Variants in LEMD3 observed in about 807,000 individuals in gnomAD.
LEMD3 encodes the protein LEM domain containing 3.
In LEMD3, 33 loss-of-function variants were observed where a neutral mutation model predicts 95.2. The observed-to-expected ratio is 0.35, with a 90% CI of 0.26 to 0.46. The LOEUF (loss-of-function observed/expected upper bound fraction) is 0.46. LEMD3 is among the 20% of genes least tolerant of loss of function. The pLI is 1.00. For synonymous variants in LEMD3, 525 were observed against 474.6 expected (o/e 1.11, Z -1.38); for missense variants, 1,210 against 1,192.8 (o/e 1.01, Z -0.21).
chr12:65,208,895 A>G (rs987678773), intron 1 of LEMD3, among the ~76,000 whole-genome samples: 3 of 152,150 alleles, frequency 2.0e-5, no homozygotes, highest in Non-Finnish European at 2.9e-5. Flanking sequence ...GCAGAAATCT[A>G]GAAGGATACT....
intron 1 of LEMD3, among the ~76,000 whole-genome samples, chr12:65,209,442 T>C (rs1431598329): frequency 6.6e-6 from 1 of 152,062 alleles, no homozygotes; most frequent in Non-Finnish European, 1.5e-5. Context: ...TTATTGTCAT[T>C]TGTTTGGCCA....
intron 1 of LEMD3, among the ~76,000 whole-genome samples, chr12:65,172,123 C>T (rs1868569779): frequency 6.6e-6 from 1 of 152,152 alleles, no homozygotes; most frequent in Non-Finnish European, 1.5e-5. Context: ...AGTGGTTAAG[C>T]ACCTTGAGCA....
chr12:65,170,080 C>G lies in LEMD3; in HGVS notation c.484C>G (p.Arg162Gly), dbSNP rs1868470938. 2 of 1,484,142 alleles carry G rather than the reference C, an allele frequency of 1.3e-6. No homozygotes were observed. Among genetic ancestry groups the G allele is most frequent in the Non-Finnish European group, 1.8e-6 (2 of 1,126,672 alleles). 91.9% of individuals were successfully genotyped at this position (1,484,142 alleles called of 1,614,324 possible). The change falls in exon 1 of 13, where the codon CGG (arginine) becomes GGG (glycine). Residue 162 changes from arginine (R) to glycine (G), a missense_variant. Coordinates refer to ENST00000308330, the MANE Select transcript of LEMD3 (RefSeq NM_014319.5). ...DQAGGGGRKD[R>G]ASLQYRGLKA... ...GGCCGGCGGCGGCGGGAGGAAAGAC[C>G]GGGCTTCGCTCCAGTACCGCGGGCT...
chr12:65,174,455 A>G (rs539997209), intron 1 of LEMD3, among the ~76,000 whole-genome samples: 1 of 152,294 alleles, frequency 6.6e-6, no homozygotes, highest in African/African-American at 2.4e-5. Context: ...CTAGGCTCGT[A>G]TGATCATTAT....
chr12:65,191,105 T>C (rs377449076), intron 1 of LEMD3, among the ~76,000 whole-genome samples: 2 of 152,134 alleles, frequency 1.3e-5, no homozygotes, highest in South Asian at 4.1e-4. Flanking sequence ...TGAACCAGTT[T>C]CTTTAATAGT....
At chr12:65,171,329 G>A (rs1394520611) in intron 1 of LEMD3, 5 of 756,648 alleles carry the variant, frequency 6.6e-6, no homozygotes, top group East Asian at 3.0e-5. Context: ...TCTGCATGAT[G>A]TATTGTGAAA....
At chr12:65,229,455 CA>C (rs1278518859) in intron 4 of LEMD3, among the ~76,000 whole-genome samples, 1 of 152,062 alleles carries the variant, frequency 6.6e-6, no homozygotes, top group Non-Finnish European at 1.5e-5. Flanking sequence ...GAGGATCCAC[CA>C]TACTATGTTC....
chr12:65,170,240 G>T lies in LEMD3; in HGVS notation c.644G>T (p.Gly215Val). The T allele has an allele frequency of 6.5e-7, 1 of 1,540,500 alleles. No individual in the cohort carries two copies. Among genetic ancestry groups the T allele is most frequent in the East Asian group, 2.4e-5 (1 of 41,862 alleles). The change falls in exon 1 of 13, where the codon GGA becomes GTA. Residue 215 changes from glycine (G) to valine (V), a missense_variant. Gly to Val is a moderately radical substitution (Grantham distance 109, BLOSUM62 -3). Coordinates refer to ENST00000308330, the MANE Select transcript of LEMD3 (RefSeq NM_014319.5). The part of the protein sequence containing the change: ...PELQTPPGKD[G>V]AVEDEEGEGE... The stretch of plus-strand genomic sequence containing the variant: ...CTGCAGACCCCGCCGGGGAAAGATG[G>T]AGCAGTGGAGGACGAGGAAGGGGAG...
In LEMD3 at chr12:65,170,812, TATTCTA is replaced by T. The variant is rs748410937; in HGVS notation, c.1218_1223del (p.Asn408_Ser409del). The stretch of plus-strand genomic sequence containing the variant: ...CTTCAGTGTGGACTCCCCCAGGATT[TATTCTA>T]ACAGTCTCCCTCCCAGTGCGGCGGT... On this transcript the variant is annotated inframe_deletion, in exon 1 of 13. Coordinates refer to ENST00000308330, the MANE Select transcript of LEMD3 (RefSeq NM_014319.5). 6 of 1,614,234 alleles carry T rather than the reference TATTCTA, an allele frequency of 3.7e-6. No homozygotes were observed. In the South Asian group the frequency reaches 6.6e-5, roughly 18 times the overall value.
chr12:65,195,703 A>G (rs1474824309), intron 1 of LEMD3, among the ~76,000 whole-genome samples: 1 of 152,162 alleles, frequency 6.6e-6, no homozygotes, highest in Admixed American at 6.6e-5. Context: ...CAAGATGGCC[A>G]GGAAAAGCTT....
At position 65,170,391 on chromosome 12, in the gene LEMD3, C is replaced by T; in HGVS notation, c.795C>T (p.Asp265=). 6.2e-7 allele frequency: 1 copy of T among 1,613,924 alleles called. No individual in the cohort carries two copies. ...RENYSDSEEE[D]DDDVASSRQV... ...ACTATTCGGACTCAGAGGAAGAGGA[C>T]GACGACGACGTGGCCTCCAGCAGAC... Residue 265 remains aspartate, a synonymous_variant, in exon 1 of 13, where the codon GAC becomes GAT. Coordinates refer to ENST00000308330, the MANE Select transcript of LEMD3 (RefSeq NM_014319.5).
chr12:65,199,733 A>G (rs973955705), intron 1 of LEMD3, among the ~76,000 whole-genome samples: 22 of 152,070 alleles, frequency 1.4e-4, no homozygotes, highest in Middle Eastern at 3.2e-3. Context: ...GTAAACATCC[A>G]TGTGCAAGTT....
In LEMD3 at chr12:65,169,972, T is replaced by TCCGCCGCCC; in HGVS notation, c.381_389dup (p.Pro129_Ala131dup). 2.1e-6 allele frequency: 3 copies of TCCGCCGCCC among 1,463,266 alleles called. No individual in the cohort carries two copies. The highest frequency in any genetic ancestry group is 2.8e-5 in the South Asian group (2 of 71,698). The allele number at this position is 1,463,266 out of a possible 1,614,324, so 90.6% of individuals were successfully genotyped here. ...CCTCCTGGGAGGGCCCGGGGGCGCC[T>TCCGCCGCCC]CCGCCGCCCCCGCGGCTGGCAGCAA... On this transcript the variant is annotated inframe_insertion, in exon 1 of 13. Transcript: ENST00000308330.
intron 1 of LEMD3, among the ~76,000 whole-genome samples, chr12:65,207,459 G>A (rs931144625): frequency 8.6e-5 from 13 of 152,020 alleles, no homozygotes; most frequent in Non-Finnish European, 1.9e-4. Flanking sequence ...AGGAGGTCAC[G>A]ATAAACTGCA....
rs769647254 is a variant in LEMD3, at chr12:65,169,656, G to T, written c.60G>T (p.Gln20His). Residue 20 changes from glutamine (Q) to histidine (H), a missense_variant, in exon 1 of 13, where the codon CAG becomes CAT. This residue lies in a region of LEMD3 where 749 missense variants were observed against 622.9 expected (regional missense o/e 1.20). Coordinates refer to ENST00000308330, the MANE Select transcript of LEMD3 (RefSeq NM_014319.5). ...TCTCGGATGAGGAGCTTTTCTCTCA[G>T]CTCCGCCGTTACGGCCTGTCTCCCG... ...QQLSDEELFS[Q>H]LRRYGLSPGP... 8.2e-6 allele frequency: 13 copies of T among 1,585,206 alleles called. No homozygotes were observed. Among genetic ancestry groups the T allele is most frequent in the Non-Finnish European group, 1.1e-5 (13 of 1,167,082 alleles).
intron 1 of LEMD3, among the ~76,000 whole-genome samples, chr12:65,176,275 C>T (rs1868716820): frequency 1.3e-5 from 2 of 152,208 alleles, no homozygotes; most frequent in Non-Finnish European, 2.9e-5. Context: ...ACTATGCTTG[C>T]CCTTTCTACC....
chr12:65,212,663 A>T (rs1869978622), intron 2 of LEMD3, among the ~76,000 whole-genome samples: 1 of 152,220 alleles, frequency 6.6e-6, no homozygotes, highest in East Asian at 1.9e-4. Flanking sequence ...TCCCTCCAAA[A>T]TGAAAAACAA....
At chr12:65,238,456 C>A in intron 4 of LEMD3, 46 bp from the exon 5 acceptor site, 1 of 1,185,228 alleles carries the variant, frequency 8.4e-7, no homozygotes, top group Non-Finnish European at 1.3e-6. Flanking sequence ...TACAGAGAGT[C>A]GAATGTAGAT....
At chr12:65,225,435 C>T (rs1870417893) in intron 4 of LEMD3, among the ~76,000 whole-genome samples, 1 of 152,218 alleles carries the variant, frequency 6.6e-6, no homozygotes, top group East Asian at 1.9e-4. Flanking sequence ...GTGGTTGTGA[C>T]CTCTCTGGAT....
Sources: allele counts gnomAD v4.1 joint callset (sites outside exome capture counted in the v4.1 genomes callset), GRCh38; gene constraint gnomAD v4.1.1; regional missense constraint gnomAD v4.1.1; transcripts MANE v1.5; gene names NCBI Gene and HGNC (gene_info 2026-07-23, HGNC 2026-07-21).